Variants in TNFSF4 observed in about 807,000 individuals in gnomAD.
The protein encoded by TNFSF4 is TNF superfamily member 4, also known as tumor necrosis factor ligand superfamily member 4.
In TNFSF4, 4 loss-of-function variants were observed where a neutral mutation model predicts 7.3. That is an observed-to-expected ratio of 0.55 (90% CI 0.27 to 1.25). The LOEUF (loss-of-function observed/expected upper bound fraction) is 1.25. TNFSF4 is among the 50% of genes most tolerant of loss of function. TNFSF4 has a pLI of 0.12. For synonymous variants in TNFSF4, 76 were observed against 83.7 expected, an observed-to-expected ratio of 0.91 and a Z score of 0.50; for missense variants, 181 against 208.8, an observed-to-expected ratio of 0.87 and a Z score of 0.82.
At chr1:173,299,949 G>C in the TNFSF4 span, among the ~76,000 whole-genome samples, 3 of 151,694 alleles carry the variant, frequency 2.0e-5, no homozygotes, top group Non-Finnish European at 4.4e-5. Context: ...ATTGTCAACT[G>C]CTCACATGGC....
chr1:173,174,543 A>G, the TNFSF4 span: 1 of 152,292 alleles, frequency 6.6e-6, no homozygotes, highest in Non-Finnish European at 1.5e-5. Flanking sequence ...TGGGAAACTT[A>G]CAATGGTGGC....
At chr1:173,306,451 G>C in the TNFSF4 span, among the ~76,000 whole-genome samples, 2 of 151,936 alleles carry the variant, frequency 1.3e-5, no homozygotes, top group South Asian at 4.1e-4. Context: ...GGTGGGAAGA[G>C]GCATGGGTAA....
chr1:173,434,639 G>A, the TNFSF4 span, among the ~76,000 whole-genome samples: 2 of 152,196 alleles, frequency 1.3e-5, no homozygotes, highest in South Asian at 4.1e-4. Flanking sequence ...GTCATGAAAT[G>A]GGAGTGGCTA....
chr1:173,374,185 T>C, the TNFSF4 span, among the ~76,000 whole-genome samples: 3 of 152,194 alleles, frequency 2.0e-5, no homozygotes, highest in African/African-American at 7.2e-5. Context: ...AATGACCTCC[T>C]ACTTGATCAG....
the TNFSF4 span, among the ~76,000 whole-genome samples, chr1:173,336,575 G>A: frequency 6.6e-6 from 1 of 152,154 alleles, no homozygotes; most frequent in Non-Finnish European, 1.5e-5. Context: ...TACCTCAGGG[G>A]TATAACAACT....
chr1:173,397,953 G>A, the TNFSF4 span, among the ~76,000 whole-genome samples: 1 of 152,172 alleles, frequency 6.6e-6, no homozygotes, highest in African/African-American at 2.4e-5. Flanking sequence ...TAACTAGGTG[G>A]TGACTCCAAT....
At chr1:173,448,076 A>G in the TNFSF4 span, among the ~76,000 whole-genome samples, 1 of 152,218 alleles carries the variant, frequency 6.6e-6, no homozygotes, top group Admixed American at 6.5e-5. Flanking sequence ...TCAAGAAAAC[A>G]TAACAATCTT....
At chr1:173,201,648 T>C (rs1282028564) in intron 1 of TNFSF4, among the ~76,000 whole-genome samples, 1 of 152,118 alleles carries the variant, frequency 6.6e-6, no homozygotes, top group Non-Finnish European at 1.5e-5. Flanking sequence ...GACTGAAAAA[T>C]TCTGGTTCCT....
intron 1 of TNFSF4, among the ~76,000 whole-genome samples, chr1:173,194,369 G>C (rs1195971885): frequency 6.6e-6 from 1 of 152,168 alleles, no homozygotes; most frequent in Non-Finnish European, 1.5e-5. Context: ...TGCCAGTTGG[G>C]AAAATAGTCC....
chr1:173,403,269 C>T, the TNFSF4 span, among the ~76,000 whole-genome samples: 2 of 152,140 alleles, frequency 1.3e-5, no homozygotes, highest in East Asian at 3.9e-4. Flanking sequence ...TGTCTGGCAT[C>T]ATCTGGCCAT....
At chr1:173,360,951 G>A in the TNFSF4 span, among the ~76,000 whole-genome samples, 1 of 152,148 alleles carries the variant, frequency 6.6e-6, no homozygotes, top group Non-Finnish European at 1.5e-5. Flanking sequence ...GCCCTATGAT[G>A]GAAAATGGGC....
At chr1:173,301,442 A>G in the TNFSF4 span, among the ~76,000 whole-genome samples, 1 of 151,916 alleles carries the variant, frequency 6.6e-6, no homozygotes, top group Non-Finnish European at 1.5e-5. Context: ...TGAAGATTCA[A>G]CTTTTAGGTA....
chr1:173,447,462 G>A, the TNFSF4 span, among the ~76,000 whole-genome samples: 9 of 152,186 alleles, frequency 5.9e-5, no homozygotes, highest in Admixed American at 5.9e-4. Context: ...GATGTTGACA[G>A]TGTGGGAGGT....
At chr1:173,445,990 A>T in the TNFSF4 span, among the ~76,000 whole-genome samples, 1 of 152,202 alleles carries the variant, frequency 6.6e-6, no homozygotes, top group Non-Finnish European at 1.5e-5. Flanking sequence ...AATCTTCCAA[A>T]TCTCTTGAGG....
the TNFSF4 span, among the ~76,000 whole-genome samples, chr1:173,374,129 G>A: frequency 2.2e-4 from 34 of 152,142 alleles, 1 homozygote; most frequent in Admixed American, 6.5e-4. Context: ...CTCACAACAT[G>A]GGGCTCAGTC....
At chr1:173,446,999 C>T in the TNFSF4 span, among the ~76,000 whole-genome samples, 2 of 152,246 alleles carry the variant, frequency 1.3e-5, no homozygotes, top group Middle Eastern at 3.4e-3. Flanking sequence ...TGTCCCTCCA[C>T]GGAGCCCTGA....
the TNFSF4 span, among the ~76,000 whole-genome samples, chr1:173,308,285 C>CTCTCTCTCTGTGTGTG: frequency 3.2e-4 from 43 of 135,120 alleles, no homozygotes; most frequent in Middle Eastern, 3.8e-3. Context: ...CTCTCTCTCT[C>CTCTCTCTCTGTGTGTG]TGTGTGTGTG....
chr1:173,207,282 T>TC lies in TNFSF4; in HGVS notation c.-107dup, dbSNP rs1650239510. On this transcript the variant is annotated 5_prime_UTR_variant, in exon 1 of 3. Coordinates refer to ENST00000281834, the MANE Select transcript of TNFSF4 (RefSeq NM_003326.5). The stretch of plus-strand genomic sequence containing the variant: ...GGAGGTAAAGACAAAACAAAGCCTA[T>TC]CAATCAGAAAATAGGCAAAGGTCCC... 1 of 1,130,112 alleles carries TC rather than the reference T, an allele frequency of 8.8e-7. No homozygotes were observed. The allele number at this position is 1,130,112 out of a possible 1,614,324, so 70.0% of individuals were successfully genotyped here. A position where few individuals can be genotyped will look rare whatever the true frequency, so the allele number is the denominator to read the frequency against.
At chr1:173,207,593 G>A (rs982410571), upstream of TNFSF4, among the ~76,000 whole-genome samples, 3 of 152,134 alleles carry the variant, frequency 2.0e-5, no homozygotes, top group African/African-American at 7.2e-5. Context: ...ATCATCATCC[G>A]TTAATGTAGC....
Sources: gnomAD v4.1 joint callset for allele counts (sites outside exome capture counted in the v4.1 genomes callset) on GRCh38, gnomAD v4.1.1 for gene constraint, MANE v1.5 for transcripts, NCBI Gene and HGNC (gene_info 2026-07-23, HGNC 2026-07-21) for gene names.